CACNA1B: variants seen among roughly 807,000 people sequenced by gnomAD.
The protein encoded by CACNA1B is voltage-dependent N-type calcium channel subunit alpha-1B.
Under a neutral mutation model 247.2 loss-of-function variants are expected in CACNA1B, and 70 were observed. That is an observed-to-expected ratio of 0.28 (90% CI 0.23 to 0.35). The LOEUF (loss-of-function observed/expected upper bound fraction) is 0.35, where lower values mean the gene tolerates loss of function less well. Ranked by LOEUF, CACNA1B falls within the 10% of genes least tolerant of loss-of-function variation. CACNA1B has a pLI of 1.00. For synonymous variants in CACNA1B, 1,231 were observed against 1,294.4 expected (o/e 0.95, Z 1.05); for missense variants, 2,367 against 3,197.4 (o/e 0.74, Z 6.26).
intron 40 of CACNA1B, among the ~76,000 whole-genome samples, chr9:138,113,129 G>A (rs1197899019): frequency 9.5e-5 from 14 of 147,444 alleles, no homozygotes; most frequent in Admixed American, 5.4e-4. Flanking sequence ...TGTGGGAGAC[G>A]TGAGGGAGCA....
rs531174189 is a variant in CACNA1B, at chr9:137,972,930, C to T, written c.1543+1338C>T. ...ACGTCCTGGGGCCCACAGGGTGGTA[C>T]CTCGGGACTTTGCTTGGGCCTGAGT... On this transcript the variant is annotated intron_variant, in intron 11 of 46. Coordinates refer to ENST00000371372, the MANE Select transcript of CACNA1B (RefSeq NM_000718.4). Among the ~76,000 whole-genome samples, 16 of 152,298 alleles carry T rather than the reference C, an allele frequency of 1.1e-4. No individual in the cohort carries two copies. In the South Asian group the frequency reaches 3.3e-3, roughly 32 times the overall value.
intron 38 of CACNA1B, among the ~76,000 whole-genome samples, chr9:138,104,023 C>T (rs1961341660): frequency 6.6e-6 from 1 of 152,248 alleles, no homozygotes; most frequent in Non-Finnish European, 1.5e-5. Flanking sequence ...GGCGCCGGGG[C>T]AAGCAGGCAG....
chr9:138,045,960 G>T (rs79930308), intron 21 of CACNA1B, among the ~76,000 whole-genome samples: 6,559 of 152,242 alleles, frequency 0.043, 209 homozygotes, highest in South Asian at 0.085. Flanking sequence ...CTGCGAGGCA[G>T]GGGAGGCATC....
chr9:138,059,135 C>G lies in CACNA1B; in HGVS notation c.4530C>G (p.Phe1510Leu). 1 of 1,613,068 alleles carries G rather than the reference C, an allele frequency of 6.2e-7. No individual in the cohort carries two copies. The highest frequency in any genetic ancestry group is 8.5e-7 in the Non-Finnish European group (1 of 1,179,168). ...TGCTGAAATGCCTGAACATCGTGTTCACATCCATGTTCTCCATGGAATGCG... is the reference window on the plus strand; with the variant it reads ...TGCTGAAATGCCTGAACATCGTGTTGACATCCATGTTCTCCATGGAATGCG... ...ELMLKCLNIV[F>L]TSMFSMECVL... The change falls in exon 30 of 47, where the codon TTC (phenylalanine) becomes TTG (leucine). Residue 1510 changes from phenylalanine to leucine, a missense_variant. By Grantham distance (22) the Phe-to-Leu change is conservative (BLOSUM62 0). Around this residue, in one of 12 missense-constraint regions of CACNA1B, gnomAD observed 436 missense variants for 679.5 expected, o/e 0.64. Coordinates refer to ENST00000371372, the MANE Select transcript of CACNA1B (RefSeq NM_000718.4). This position sits in a 1 kb window ranked among gnomAD's most constrained non-coding sequence, Gnocchi z 4.2.
chr9:137,955,683 G>T lies in CACNA1B; in HGVS notation c.1071-15G>T. ...GCACTCACCTGATCTTGCTTTTCCG[G>T]CCCCTGCATGGTAGGGAGTTTGCCA... is the stretch of plus-strand genomic sequence containing the variant. On this transcript the variant is annotated splice_polypyrimidine_tract_variant and intron_variant, in intron 7 of 46. Transcript: ENST00000371372. The surrounding 1 kb of genome is among the most constrained non-coding windows in gnomAD (Gnocchi z 6.9). 3 of 1,582,814 alleles carry T rather than the reference G, an allele frequency of 1.9e-6. No individual in the cohort carries two copies. The highest frequency in any genetic ancestry group is 2.6e-6 in the Non-Finnish European group (3 of 1,155,206).
In CACNA1B at chr9:137,917,919, C is replaced by T. The variant is rs1432845587; in HGVS notation, c.966+488C>T. On this transcript the variant is annotated intron_variant, in intron 6 of 46. Transcript: ENST00000371372. The surrounding 1 kb of genome is among the most constrained non-coding windows in gnomAD (Gnocchi z 5.5). ...GGGCAGCTGTTGCTGTGCCACCCCTCTAGGGTCTCTGTTGGAGTTGAGGGA... is the reference window on the plus strand; with the variant it reads ...GGGCAGCTGTTGCTGTGCCACCCCTTTAGGGTCTCTGTTGGAGTTGAGGGA... 2.0e-5 allele frequency among the ~76,000 whole-genome samples: 3 copies of T among 152,218 alleles called. No individual in the cohort carries two copies. Among genetic ancestry groups the T allele is most frequent in the Non-Finnish European group, 4.4e-5 (3 of 68,010 alleles).
chr9:138,081,810 G>C (rs1336287717), intron 36 of CACNA1B, among the ~76,000 whole-genome samples: 1 of 150,996 alleles, frequency 6.6e-6, no homozygotes, highest in Non-Finnish European at 1.5e-5. Flanking sequence ...TATCATAACT[G>C]ACTGAATTAA....
chr9:138,052,195 G>C lies in CACNA1B; in HGVS notation c.3807+7G>C. 6.4e-7 allele frequency: 1 copy of C among 1,569,412 alleles called. No individual in the cohort carries two copies. Among genetic ancestry groups the C allele is most frequent in the Non-Finnish European group, 8.8e-7 (1 of 1,142,478 alleles). On this transcript the variant is annotated splice_region_variant and intron_variant, in intron 25 of 46. Transcript: ENST00000371372. This position sits in a 1 kb window ranked among gnomAD's most constrained non-coding sequence, Gnocchi z 5.1. ...ACGGCTGCCCAAGCTCAAGGTTAGAGCCTGGAGTTGGGGCTTGAGGGATGT... is the reference window on the plus strand; with the variant it reads ...ACGGCTGCCCAAGCTCAAGGTTAGACCCTGGAGTTGGGGCTTGAGGGATGT...
intron 10 of CACNA1B, among the ~76,000 whole-genome samples, chr9:137,960,358 T>C: frequency 8.0e-6 from 1 of 124,882 alleles, no homozygotes; most frequent in Non-Finnish European, 1.6e-5. Flanking sequence ...GAGGTTGGCC[T>C]GAGGGACGCG....
chr9:137,992,172 C>T (rs958245037), intron 15 of CACNA1B, among the ~76,000 whole-genome samples: 8 of 152,184 alleles, frequency 5.3e-5, no homozygotes, highest in African/African-American at 1.9e-4. Context: ...AATTCACCAA[C>T]CATGTTTCTG....
rs1483552294 is a variant in CACNA1B at position 138,023,151 on chromosome 9, G to T, written c.2408G>T (p.Arg803Leu). The T allele has an allele frequency of 1.3e-6, 2 of 1,535,558 alleles. No individual in the cohort carries two copies. Among genetic ancestry groups the T allele is most frequent in the African/African-American group, 2.8e-5 (2 of 71,292 alleles). ...PEERLRFATT[R>L]HLRPDMKTHL... is the part of the protein sequence containing the mutation. ...GAGCGGCTGCGCTTCGCCACTACGC[G>T]CCACCTGCGGCCCGACATGAAGACG... is the stretch of plus-strand genomic sequence containing the variant. The change falls in exon 19 of 47, where the codon CGC becomes CTC. Residue 803 changes from arginine to leucine, a missense_variant. By Grantham distance (102) the Arg-to-Leu change is moderately radical. Transcript: ENST00000371372.
rs1029404982 is a variant in CACNA1B, at chr9:138,054,211, C to T, written c.3968+205C>T. On this transcript the variant is annotated intron_variant, in intron 26 of 46. Coordinates refer to ENST00000371372, the MANE Select transcript of CACNA1B (RefSeq NM_000718.4). This position sits in a 1 kb window ranked among gnomAD's most constrained non-coding sequence, Gnocchi z 4.6. Reference sequence around the variant, plus strand: ...AAGACAGGATGCATCCCCTCCCCAGCACCACACCAGGGACCCCCAGCACTT... The same window carrying T: ...AAGACAGGATGCATCCCCTCCCCAGTACCACACCAGGGACCCCCAGCACTT... Among the ~76,000 whole-genome samples, 2 of 152,216 alleles carry T rather than the reference C, an allele frequency of 1.3e-5. No individual in the cohort carries two copies. The highest frequency in any genetic ancestry group is 1.3e-4 in the Admixed American group (2 of 15,290).
At chr9:138,095,249 C>T (rs1043796165) in intron 36 of CACNA1B, among the ~76,000 whole-genome samples, 1 of 152,192 alleles carries the variant, frequency 6.6e-6, no homozygotes, top group African/African-American at 2.4e-5. Context: ...AGAACTCCTA[C>T]ACCTCAACAA....
intron 10 of CACNA1B, among the ~76,000 whole-genome samples, chr9:137,958,922 C>A (rs1156485114): frequency 6.6e-6 from 1 of 152,104 alleles, no homozygotes; most frequent in Non-Finnish European, 1.5e-5. Flanking sequence ...TGTTCCCTGT[C>A]TGGACTTGGC....
intron 44 of CACNA1B, among the ~76,000 whole-genome samples, 184 bp from the exon 45 acceptor site, chr9:138,119,981 G>T (rs572218592): frequency 6.6e-6 from 1 of 152,142 alleles, no homozygotes; most frequent in East Asian, 1.9e-4. Flanking sequence ...GGGGACTCAG[G>T]CACTGTCTGC....
rs570622319 is a variant in CACNA1B at position 138,010,059 on chromosome 9, C to T, written c.2142C>T (p.Asn714=). The stretch of plus-strand genomic sequence containing the variant: ...CCATCGCTGTGGACAACCTGGCCAA[C>T]GCCCAAGAGCTGACCAAGGTAGGTG... ...FLAIAVDNLA[N]AQELTKDEEE... Residue 714 remains asparagine, a synonymous_variant, in exon 17 of 47, where the codon AAC becomes AAT. Coordinates refer to ENST00000371372, the MANE Select transcript of CACNA1B (RefSeq NM_000718.4). This position sits in a 1 kb window ranked among gnomAD's most constrained non-coding sequence, Gnocchi z 5.3. 21 of 1,613,708 alleles carry T rather than the reference C, an allele frequency of 1.3e-5. No homozygotes were observed. The highest frequency in any genetic ancestry group is 3.3e-5 in the Admixed American group (2 of 60,018).
In CACNA1B at chr9:137,917,884, C is replaced by T. The variant is rs960805865; in HGVS notation, c.966+453C>T. Reference sequence around the variant, plus strand: ...AGAAGCTGACTAACTTTCTCCAGCCCGAGGACCATGGGCAGCTGTTGCTGT... The same window carrying T: ...AGAAGCTGACTAACTTTCTCCAGCCTGAGGACCATGGGCAGCTGTTGCTGT... On this transcript the variant is annotated intron_variant, in intron 6 of 46. Coordinates refer to ENST00000371372, the MANE Select transcript of CACNA1B (RefSeq NM_000718.4). This position sits in a 1 kb window ranked among gnomAD's most constrained non-coding sequence, Gnocchi z 5.5. Among the ~76,000 whole-genome samples the T allele has an allele frequency of 3.3e-5, 5 of 152,174 alleles. No individual in the cohort carries two copies. Among genetic ancestry groups the T allele is most frequent in the Admixed American group, 6.5e-5 (1 of 15,278 alleles).
chr9:137,959,978 G>C (rs1168850565), intron 10 of CACNA1B, among the ~76,000 whole-genome samples: 2 of 152,106 alleles, frequency 1.3e-5, no homozygotes, highest in Non-Finnish European at 2.9e-5. Context: ...GAAGTTCATG[G>C]CCATAGAAGG....
In CACNA1B at chr9:138,102,694, C is replaced by T. The variant is rs7042754; in HGVS notation, c.5223-17C>T. 12,526 of 1,580,600 alleles carry T rather than the reference C, an allele frequency of 7.9e-3. 516 individuals carry two copies. The South Asian group carries it at 0.08, about 10-fold the overall frequency. On this transcript the variant is annotated splice_polypyrimidine_tract_variant and intron_variant, in intron 37 of 46. Transcript: ENST00000371372. This position sits in a 1 kb window ranked among gnomAD's most constrained non-coding sequence, Gnocchi z 5.4. ...ACCACCCCACTGTGCCCTGGCCTCG[C>T]TGGGACGGGTTTCCAGTGGGCGCAT...
Sources: gnomAD v4.1 joint callset for allele counts (sites outside exome capture counted in the v4.1 genomes callset) on GRCh38, gnomAD v4.1.1 for gene constraint, gnomAD v4.1.1 regional missense constraint, Gnocchi (gnomAD v3.1) non-coding constraint, MANE v1.5 for transcripts, NCBI Gene and HGNC (gene_info 2026-07-23, HGNC 2026-07-21) for gene names.